C8orf34: variants seen among roughly 807,000 people sequenced by gnomAD.
C8orf34 encodes the protein chromosome 8 open reading frame 34.
In C8orf34, 65 loss-of-function variants were observed where a neutral mutation model predicts 68.3. The ratio of observed to expected loss-of-function variants is 0.95; its 90% CI spans 0.78 to 1.17. The LOEUF is 1.17. C8orf34 is among the 50% of genes most tolerant of loss of function. The pLI, the probability that C8orf34 is intolerant of heterozygous loss-of-function variation, is 0.00. For missense variants in C8orf34, 664 were observed against 655.4 expected (o/e 1.01, Z -0.14); for synonymous variants, 244 against 241.2 (o/e 1.01, Z -0.11).
chr8:68,719,600 C>T (rs994241329), intron 9 of C8orf34, among the ~76,000 whole-genome samples: 1 of 151,630 alleles, frequency 6.6e-6, no homozygotes, highest in Non-Finnish European at 1.5e-5. Flanking sequence ...CACAAATATA[C>T]AATACAATAA....
At chr8:68,765,295 G>T (rs1233599908) in intron 10 of C8orf34, among the ~76,000 whole-genome samples, 1 of 152,184 alleles carries the variant, frequency 6.6e-6, no homozygotes, top group Non-Finnish European at 1.5e-5. Context: ...GGCAAAACTG[G>T]AGTTTAAACA....
chr8:68,694,574 T>C (rs190437840), intron 8 of C8orf34, among the ~76,000 whole-genome samples: 42 of 152,290 alleles, frequency 2.8e-4, no homozygotes, highest in Non-Finnish European at 2.2e-4. Context: ...TATTTTGTTG[T>C]CACAATAAGA....
chr8:68,784,159 T>C (rs1823775516), intron 11 of C8orf34, among the ~76,000 whole-genome samples: 1 of 152,174 alleles, frequency 6.6e-6, no homozygotes, highest in African/African-American at 2.4e-5. Context: ...CCTTAGGCTT[T>C]TCTTGGTTGT....
At chr8:68,507,225 A>G (rs1814064466) in intron 5 of C8orf34, among the ~76,000 whole-genome samples, 1 of 152,324 alleles carries the variant, frequency 6.6e-6, no homozygotes, top group Middle Eastern at 3.4e-3. Flanking sequence ...TAAAAGTTAC[A>G]TTTATTGGCA....
At chr8:68,528,450 TAGTC>T (rs1223372102) in intron 6 of C8orf34, among the ~76,000 whole-genome samples, 2 of 152,222 alleles carry the variant, frequency 1.3e-5, no homozygotes, top group Non-Finnish European at 2.9e-5. Context: ...TTTTTCTCCT[TAGTC>T]AGGTTTATCT....
chr8:68,379,974 T>C (rs1807962721), intron 1 of C8orf34, among the ~76,000 whole-genome samples: 1 of 152,172 alleles, frequency 6.6e-6, no homozygotes, highest in Non-Finnish European at 1.5e-5. Context: ...AACTGGAACC[T>C]CCCAAGTAGC....
At chr8:68,331,420 A>G (rs1159915765) in intron 1 of C8orf34, 81 bp downstream of exon 1, 6 of 1,411,766 alleles carry the variant, frequency 4.2e-6, no homozygotes, top group Non-Finnish European at 4.8e-6. Context: ...TCCCAATCCC[A>G]CCCCTCCCAG....
At chr8:68,805,434 C>T (rs540041841) in intron 12 of C8orf34, among the ~76,000 whole-genome samples, 3 of 152,292 alleles carry the variant, frequency 2.0e-5, no homozygotes, top group South Asian at 4.1e-4. Context: ...TTAGCAAGAG[C>T]TGTGTGTCAA....
intron 10 of C8orf34, among the ~76,000 whole-genome samples, chr8:68,735,109 G>T (rs1374535498): frequency 6.6e-6 from 1 of 152,140 alleles, no homozygotes; most frequent in African/African-American, 2.4e-5. Flanking sequence ...AATGGTGTAG[G>T]TATGATTGGA....
chr8:68,498,086 C>T (rs1441863995), intron 5 of C8orf34, among the ~76,000 whole-genome samples: 3 of 152,074 alleles, frequency 2.0e-5, no homozygotes, highest in Admixed American at 6.5e-5. Context: ...CCTCAGCCTC[C>T]CAAAGTGCTG....
intron 8 of C8orf34, among the ~76,000 whole-genome samples, chr8:68,666,226 CAAT>C (rs1819836153): frequency 6.6e-6 from 1 of 152,000 alleles, no homozygotes; most frequent in Non-Finnish European, 1.5e-5. Context: ...CTGCTAACAA[CAAT>C]GTTAGGGTAA....
intron 1 of C8orf34, among the ~76,000 whole-genome samples, chr8:68,403,402 T>C (rs1809045218): frequency 2.0e-5 from 3 of 152,206 alleles, no homozygotes; most frequent in South Asian, 2.1e-4. Flanking sequence ...ATTATTATTA[T>C]AGTTTAAGTT....
At chr8:68,482,404 C>G (rs1410107353) in intron 4 of C8orf34, among the ~76,000 whole-genome samples, 1 of 152,130 alleles carries the variant, frequency 6.6e-6, no homozygotes, top group Non-Finnish European at 1.5e-5. Context: ...GCTCTAAAAG[C>G]AATTAGCAGT....
rs776445405 is a variant in C8orf34 at position 68,818,298 on chromosome 8, T to A, written c.*52T>A. 6.4e-7 allele frequency: 1 copy of A among 1,569,608 alleles called. No homozygotes were observed. The highest frequency in any genetic ancestry group is 1.7e-5 in the Admixed American group (1 of 59,310). On this transcript the variant is annotated 3_prime_UTR_variant, in exon 14 of 14. Transcript: ENST00000518698. ...CCTTAAAGAAATGCAGTTATTCAAA[T>A]CCTTATGTATAGTTCTAATTTTATT...
rs558598883 is a variant in C8orf34 at position 68,653,595 on chromosome 8, A to G, written c.1241+13084A>G. Among the ~76,000 whole-genome samples the G allele has an allele frequency of 2.6e-5, 4 of 152,310 alleles. No individual in the cohort carries two copies. The East Asian group carries it at 5.8e-4, about 22-fold the overall frequency. Reference sequence around the variant, plus strand: ...TTGGGGTGCCAGCATGGCTCTGGTGAGGACTTTCTTCCAGGGTGCAGAATG... The same window carrying G: ...TTGGGGTGCCAGCATGGCTCTGGTGGGGACTTTCTTCCAGGGTGCAGAATG... On this transcript the variant is annotated intron_variant, in intron 8 of 13. Transcript: ENST00000518698.
intron 7 of C8orf34, among the ~76,000 whole-genome samples, chr8:68,553,384 C>CAAAAAA (rs553767784): frequency 1.5e-4 from 2 of 13,646 alleles, no homozygotes; most frequent in African/African-American, 5.4e-4. Flanking sequence ...GACTCCATCT[C>CAAAAAA]AAAAAAAAAA....
chr8:68,737,187 T>C (rs1034295518), intron 10 of C8orf34, among the ~76,000 whole-genome samples: 1 of 152,114 alleles, frequency 6.6e-6, no homozygotes, highest in African/African-American at 2.4e-5. Flanking sequence ...CAGTATGCCC[T>C]TAAAACTCTT....
At chr8:68,476,438 G>A (rs780981099) in intron 4 of C8orf34, among the ~76,000 whole-genome samples, 8 of 152,164 alleles carry the variant, frequency 5.3e-5, no homozygotes, top group Non-Finnish European at 1.0e-4. Flanking sequence ...GAAGAGAGAA[G>A]CATGTGTGTA....
intron 8 of C8orf34, among the ~76,000 whole-genome samples, chr8:68,663,150 A>G (rs530708883): frequency 6.6e-6 from 1 of 152,298 alleles, no homozygotes; most frequent in South Asian, 2.1e-4. Context: ...CTGCATAACA[A>G]AGCTTATTCT....
Sources: gnomAD v4.1 joint callset for allele counts (sites outside exome capture counted in the v4.1 genomes callset) on GRCh38, gnomAD v4.1.1 for gene constraint, MANE v1.5 for transcripts, NCBI Gene and HGNC (gene_info 2026-07-23, HGNC 2026-07-21) for gene names.